Variants in SLC25A26 observed in about 807,000 individuals in gnomAD.
SLC25A26 encodes the protein mitochondrial S-adenosylmethionine carrier protein.
SLC25A26 carries 36 observed loss-of-function variants against 37.8 expected under a neutral mutation model. That is an observed-to-expected ratio of 0.95 (90% CI 0.73 to 1.26). SLC25A26 has a LOEUF of 1.26. Among genes scored for constraint, SLC25A26 ranks in the 50% most tolerant of loss-of-function variants. The probability of loss-of-function intolerance (pLI) is 0.00; values close to 1 mark genes in which losing one functional copy is unlikely to be tolerated. For missense variants in SLC25A26, 390 were observed against 331.1 expected, an observed-to-expected ratio of 1.18 and a Z score of -1.38; for synonymous variants, 129 against 122.5, an observed-to-expected ratio of 1.05 and a Z score of -0.35.
At chr3:66,258,217 G>GGA (rs1159992914) in intron 3 of SLC25A26, among the ~76,000 whole-genome samples, 1 of 152,136 alleles carries the variant, frequency 6.6e-6, no homozygotes, top group Non-Finnish European at 1.5e-5. Context: ...GTCTGCGGGG[G>GGA]AAATCTGAGA....
Position 66,206,935 on chromosome 3 carries a change from T to C in SLC25A26, c.-353-13807T>C, listed in dbSNP as rs960377895. ...TTTTTTAACACGGAGTTTTGCCATG[T>C]TGCCTGGCGGGGGAGGTGCTGGTCT... On this transcript the variant is annotated intron_variant, in intron 1 of 10. Transcript: ENST00000676754. Among the ~76,000 whole-genome samples, 674 of 150,564 alleles carry C rather than the reference T, an allele frequency of 4.5e-3. 3 individuals are homozygous for C. The highest frequency in any genetic ancestry group is 0.015 in the African/African-American group (597 of 40,806).
At chr3:66,233,823 T>A (rs797032583) in intron 1 of SLC25A26, among the ~76,000 whole-genome samples, 2 of 152,290 alleles carry the variant, frequency 1.3e-5, no homozygotes, top group African/African-American at 4.8e-5. Flanking sequence ...TCTGGTCATT[T>A]TTTTCCTCAG....
intron 5 of SLC25A26, among the ~76,000 whole-genome samples, chr3:66,302,352 G>T (rs1239112301): frequency 6.6e-6 from 1 of 152,168 alleles, no homozygotes; most frequent in Non-Finnish European, 1.5e-5. Context: ...TGGACAATCT[G>T]GGTATCTGGT....
chr3:66,374,086 C>A (rs184900262), intron 9 of SLC25A26, among the ~76,000 whole-genome samples: 2 of 152,290 alleles, frequency 1.3e-5, no homozygotes, highest in East Asian at 3.9e-4. Context: ...TAGACCTGAC[C>A]AGAAGTCTTT....
upstream of SLC25A26, chr3:66,220,626 A>G (rs1160222930): frequency 2.5e-5 from 4 of 160,630 alleles, no homozygotes; most frequent in South Asian, 3.2e-4. Flanking sequence ...TGACAAAACT[A>G]AGAGATAAAC....
At chr3:66,193,420 C>A (rs2070983150) in intron 1 of SLC25A26, among the ~76,000 whole-genome samples, 1 of 152,078 alleles carries the variant, frequency 6.6e-6, no homozygotes, top group Non-Finnish European at 1.5e-5. Flanking sequence ...CCTTGGATAA[C>A]CTTGACCTAA....
intron 5 of SLC25A26, among the ~76,000 whole-genome samples, chr3:66,270,621 C>T (rs986878184): frequency 1.3e-5 from 2 of 152,096 alleles, no homozygotes; most frequent in African/African-American, 4.8e-5. Context: ...TAAAATGAGT[C>T]ACTTAATTGC....
chr3:66,236,206 C>CTTTTTTT (rs1168848606), intron 1 of SLC25A26, among the ~76,000 whole-genome samples: 1 of 82,908 alleles, frequency 1.2e-5, no homozygotes, highest in Non-Finnish European at 2.2e-5. Flanking sequence ...CACATCTGGA[C>CTTTTTTT]TTTTTTTTTT....
At chr3:66,211,072 T>C (rs2071278851) in intron 1 of SLC25A26, among the ~76,000 whole-genome samples, 1 of 152,248 alleles carries the variant, frequency 6.6e-6, no homozygotes, top group South Asian at 2.1e-4. Context: ...ATTTGGGGAA[T>C]GGTGGCTATT....
chr3:66,166,558 C>T (rs2070427526), intron 1 of SLC25A26, among the ~76,000 whole-genome samples: 1 of 152,170 alleles, frequency 6.6e-6, no homozygotes, highest in South Asian at 2.1e-4. Context: ...GCTTAATCTT[C>T]GGGTAGAGAT....
intron 1 of SLC25A26, among the ~76,000 whole-genome samples, chr3:66,210,386 T>A (rs2071268415): frequency 6.6e-6 from 1 of 152,040 alleles, no homozygotes. Context: ...CCACATTAAG[T>A]TGAACTGGAA....
chr3:66,185,389 G>A (rs895733760), intron 1 of SLC25A26, among the ~76,000 whole-genome samples: 2 of 152,156 alleles, frequency 1.3e-5, no homozygotes, highest in African/African-American at 4.8e-5. Context: ...TTTGCCTGTT[G>A]TGAATAATGC....
chr3:66,151,027 G>T (rs1387257030), intron 1 of SLC25A26, among the ~76,000 whole-genome samples: 4 of 151,906 alleles, frequency 2.6e-5, no homozygotes, highest in African/African-American at 9.7e-5. Flanking sequence ...CGGGAAGCAG[G>T]TACTGTCCTT....
At chr3:66,290,632 G>T (rs1022514508) in intron 5 of SLC25A26, among the ~76,000 whole-genome samples, 1 of 152,168 alleles carries the variant, frequency 6.6e-6, no homozygotes, top group African/African-American at 2.4e-5. Context: ...ATTTGCATAT[G>T]TTGAACCAGC....
intron 5 of SLC25A26, among the ~76,000 whole-genome samples, chr3:66,297,226 G>T (rs1202716459): frequency 6.6e-6 from 1 of 151,682 alleles, no homozygotes; most frequent in East Asian, 1.9e-4. Context: ...TATTCGGGAG[G>T]CTGAGGCAGG....
At chr3:66,354,322 C>A (rs1195977302) in intron 6 of SLC25A26, among the ~76,000 whole-genome samples, 1 of 152,058 alleles carries the variant, frequency 6.6e-6, no homozygotes, top group African/African-American at 2.4e-5. Flanking sequence ...GTATTTAAAG[C>A]AAAATGAAAA....
At chr3:66,182,716 C>G (rs1042585043) in intron 1 of SLC25A26, among the ~76,000 whole-genome samples, 1 of 87,540 alleles carries the variant, frequency 1.1e-5, no homozygotes. Context: ...CAGTGGGCGG[C>G]GGGGGGGGGG....
intron 1 of SLC25A26, among the ~76,000 whole-genome samples, chr3:66,221,444 T>G (rs1307387837): frequency 6.6e-6 from 1 of 152,228 alleles, no homozygotes; most frequent in Non-Finnish European, 1.5e-5. Context: ...GTGTAACTAC[T>G]CTAGAGATCT....
At chr3:66,272,608 G>C (rs9856024) in intron 5 of SLC25A26, among the ~76,000 whole-genome samples, 7,959 of 152,098 alleles carry the variant, frequency 0.052, 639 homozygotes, top group African/African-American at 0.17. Context: ...CCCCTTCTCT[G>C]AGGGACCTCC....
Sources: allele counts gnomAD v4.1 joint callset (sites outside exome capture counted in the v4.1 genomes callset), GRCh38; gene constraint gnomAD v4.1.1; transcripts MANE v1.5; gene names NCBI Gene and HGNC (gene_info 2026-07-23, HGNC 2026-07-21).